Variants in GPHN observed in about 807,000 individuals in gnomAD.
GPHN encodes gephyrin.
In GPHN, 17 loss-of-function variants were observed where a neutral mutation model predicts 95.5. The ratio of observed to expected loss-of-function variants is 0.18; its 90% CI spans 0.12 to 0.27. The LOEUF (loss-of-function observed/expected upper bound fraction) is 0.27, where lower values mean the gene tolerates loss of function less well. Ranked by LOEUF, GPHN falls within the 10% of genes least tolerant of loss-of-function variation. The pLI, the probability that GPHN is intolerant of heterozygous loss-of-function variation, is 1.00. For synonymous variants in GPHN, 320 were observed against 322.5 expected (o/e 0.99, Z 0.08); for missense variants, 660 against 978.1 (o/e 0.67, Z 4.34).
At chr14:67,007,150 T>C (rs1007489842) in intron 9 of GPHN, among the ~76,000 whole-genome samples, 5 of 152,178 alleles carry the variant, frequency 3.3e-5, no homozygotes, top group African/African-American at 1.2e-4. Context: ...TGGTAGAAAA[T>C]AAACCAGATG....
intron 1 of GPHN, among the ~76,000 whole-genome samples, chr14:66,510,371 C>T (rs1379789585): frequency 6.6e-6 from 1 of 152,190 alleles, no homozygotes; most frequent in African/African-American, 2.4e-5. Context: ...TGAACATTTT[C>T]TACTTAAGCT....
chr14:67,245,048 A>G, the GPHN span, among the ~76,000 whole-genome samples: 2 of 152,334 alleles, frequency 1.3e-5, no homozygotes, highest in East Asian at 3.9e-4. Flanking sequence ...ACTAAGGAAT[A>G]TGAGTGGTGT....
chr14:67,053,434 T>C (rs1246662837), intron 10 of GPHN, among the ~76,000 whole-genome samples: 1 of 152,032 alleles, frequency 6.6e-6, no homozygotes, highest in East Asian at 1.9e-4. Flanking sequence ...AATCTCTGAA[T>C]AGACAATAAC....
At chr14:67,312,524 T>G in the GPHN span, 1 of 1,565,270 alleles carries the variant, frequency 6.4e-7, no homozygotes, top group Non-Finnish European at 8.7e-7. Flanking sequence ...TTTTATCTTT[T>G]AGATCCATGT....
At chr14:67,430,068 A>G in the GPHN span, among the ~76,000 whole-genome samples, 4 of 152,178 alleles carry the variant, frequency 2.6e-5, no homozygotes, top group Non-Finnish European at 5.9e-5. Flanking sequence ...AGGGAATCAC[A>G]AGCACTCTGA....
chr14:66,711,835 A>G (rs1312841351), intron 2 of GPHN, among the ~76,000 whole-genome samples: 1 of 151,354 alleles, frequency 6.6e-6, no homozygotes, highest in East Asian at 1.9e-4. Flanking sequence ...GTGAGAACAT[A>G]TGGTGTTTGG....
At chr14:66,662,630 C>T (rs193054535) in intron 1 of GPHN, among the ~76,000 whole-genome samples, 47 of 152,202 alleles carry the variant, frequency 3.1e-4, no homozygotes, top group African/African-American at 1.0e-3. Context: ...CTGAGATGGC[C>T]GAAATGACAG....
chr14:66,705,652 G>C (rs1239471431), intron 2 of GPHN, among the ~76,000 whole-genome samples: 1 of 152,132 alleles, frequency 6.6e-6, no homozygotes, highest in Admixed American at 6.5e-5. Flanking sequence ...ACTATGTATT[G>C]ATGGAACATA....
At chr14:66,778,010 T>G (rs371636521) in intron 3 of GPHN, among the ~76,000 whole-genome samples, 1 of 151,664 alleles carries the variant, frequency 6.6e-6, no homozygotes. Context: ...AGGGTATTCA[T>G]TTAGGAAAAG....
At chr14:67,552,599 C>T in the GPHN span, among the ~76,000 whole-genome samples, 1 of 152,026 alleles carries the variant, frequency 6.6e-6, no homozygotes, top group Non-Finnish European at 1.5e-5. Context: ...AACCCCGTCT[C>T]TTCTAAAAAT....
At chr14:67,615,612 G>C in the GPHN span, 1 of 550,068 alleles carries the variant, frequency 1.8e-6, no homozygotes. Context: ...AGTTTTCTAA[G>C]AAGTGCTTAG....
chr14:67,222,662 C>T, the GPHN span, among the ~76,000 whole-genome samples: 6 of 152,084 alleles, frequency 3.9e-5, no homozygotes, highest in African/African-American at 4.8e-5. Context: ...TAGCCTGTAA[C>T]GAACTTTTAA....
chr14:67,658,696 C>G, the GPHN span, among the ~76,000 whole-genome samples: 45 of 152,368 alleles, frequency 3.0e-4, 1 homozygote, highest in African/African-American at 1.1e-3. Context: ...ACTTTTACAA[C>G]TCCCACTTTA....
At chr14:67,147,639 C>A (rs1036512431) in intron 18 of GPHN, among the ~76,000 whole-genome samples, 1 of 152,158 alleles carries the variant, frequency 6.6e-6, no homozygotes, top group African/African-American at 2.4e-5. Context: ...TGGGCTCAAG[C>A]AATCCTCTTG....
chr14:66,599,130 T>A (rs999972362), intron 1 of GPHN, among the ~76,000 whole-genome samples: 1 of 152,220 alleles, frequency 6.6e-6, no homozygotes, highest in Middle Eastern at 3.4e-3. Context: ...AACTTTTTAT[T>A]AAAAAATAGT....
chr14:67,276,339 C>T, the GPHN span, among the ~76,000 whole-genome samples: 2 of 152,168 alleles, frequency 1.3e-5, no homozygotes, highest in African/African-American at 4.8e-5. Context: ...TTCTGTCATA[C>T]TCTTCCTTCC....
chr14:66,636,620 C>A (rs535464130), intron 1 of GPHN, among the ~76,000 whole-genome samples: 5 of 152,168 alleles, frequency 3.3e-5, no homozygotes, highest in African/African-American at 1.2e-4. Flanking sequence ...ATGTTCTATA[C>A]ATGACTCCAT....
chr14:67,718,700 T>C, the GPHN span, among the ~76,000 whole-genome samples: 2 of 152,222 alleles, frequency 1.3e-5, no homozygotes, highest in South Asian at 2.1e-4. Context: ...CTGTGACTTA[T>C]GCCTATATCT....
the GPHN span, chr14:67,674,380 C>A: frequency 2.5e-6 from 4 of 1,595,112 alleles, no homozygotes; most frequent in Non-Finnish European, 3.4e-6. Flanking sequence ...CTCACCGGTC[C>A]CCGCCGTCCC....
Sources: allele counts gnomAD v4.1 joint callset (sites outside exome capture counted in the v4.1 genomes callset), GRCh38; gene constraint gnomAD v4.1.1; transcripts MANE v1.5; gene names NCBI Gene and HGNC (gene_info 2026-07-23, HGNC 2026-07-21).